Variants in KCNQ5 observed in about 807,000 individuals in gnomAD.
KCNQ5 encodes potassium voltage-gated channel subfamily KQT member 5.
In KCNQ5, 30 loss-of-function variants were observed where a neutral mutation model predicts 98.2. The ratio of observed to expected loss-of-function variants is 0.31; its 90% confidence interval spans 0.23 to 0.41. The LOEUF (loss-of-function observed/expected upper bound fraction) is 0.41. Ranked by LOEUF, KCNQ5 falls within the 10% of genes least tolerant of loss-of-function variation. KCNQ5 has a pLI of 1.00. For missense variants in KCNQ5, 835 were observed against 1,182.5 expected (o/e 0.71, Z 4.31); for synonymous variants, 458 against 449.4 (o/e 1.02, Z -0.24).
At chr6:73,097,820 C>T (rs1199142489) in intron 5 of KCNQ5, among the ~76,000 whole-genome samples, 1 of 152,220 alleles carries the variant, frequency 6.6e-6, no homozygotes, top group Admixed American at 6.5e-5. Flanking sequence ...TGGGGTACCC[C>T]TTAATGCAGA....
chr6:72,928,081 G>C (rs140094293), intron 1 of KCNQ5, among the ~76,000 whole-genome samples: 7 of 152,184 alleles, frequency 4.6e-5, no homozygotes, highest in East Asian at 1.9e-4. Flanking sequence ...AGCAACAAAA[G>C]TGTTGTCTCT....
At position 72,856,854 on chromosome 6, in the gene KCNQ5, C is replaced by T. The variant is rs1424069619; in HGVS notation, c.399-147054C>T. On this transcript the variant is annotated intron_variant, in intron 1 of 13. Transcript: ENST00000370398. ...TCTGGTGATGTAGCTGCACACACCCCAGGTTGTGCTACGGTAGAAGAACCC... is the reference window on the plus strand; with the variant it reads ...TCTGGTGATGTAGCTGCACACACCCTAGGTTGTGCTACGGTAGAAGAACCC... Among the ~76,000 whole-genome samples, 3 of 152,228 alleles carry T rather than the reference C, an allele frequency of 2.0e-5. No homozygotes were observed. In the East Asian group the frequency reaches 5.8e-4, roughly 29 times the overall value.
chr6:72,877,947 T>C (rs1386486406), intron 1 of KCNQ5, among the ~76,000 whole-genome samples: 1 of 152,204 alleles, frequency 6.6e-6, no homozygotes, highest in East Asian at 1.9e-4. Context: ...TACAGTTAAG[T>C]TTCAGTTAAG....
chr6:72,645,215 A>C (rs1765527234), intron 1 of KCNQ5, among the ~76,000 whole-genome samples: 2 of 140,118 alleles, frequency 1.4e-5, no homozygotes, highest in African/African-American at 5.4e-5. Flanking sequence ...AAAAAAAAAC[A>C]AAAAAAAACA....
At chr6:72,854,758 TTG>T (rs34867008) in intron 1 of KCNQ5, among the ~76,000 whole-genome samples, 6,510 of 127,044 alleles carry the variant, frequency 0.051, 211 homozygotes, top group Non-Finnish European at 0.064. Context: ...ACACCATGGT[TTG>T]TGTGTGTGTG....
intron 8 of KCNQ5, among the ~76,000 whole-genome samples, chr6:73,121,631 C>T (rs1717721888): frequency 1.3e-5 from 2 of 152,142 alleles, no homozygotes; most frequent in Admixed American, 1.3e-4. Flanking sequence ...ATTCAGGACA[C>T]CTAACTACTG....
intron 10 of KCNQ5, among the ~76,000 whole-genome samples, chr6:73,157,219 G>A (rs9360644): frequency 0.32 from 48,393 of 152,228 alleles, 8,759 homozygotes; most frequent in Middle Eastern, 0.46. Flanking sequence ...TGGGAGGTCA[G>A]GCCTTGCAGG....
At chr6:73,187,305 C>T (rs938746459) in intron 11 of KCNQ5, among the ~76,000 whole-genome samples, 4 of 152,042 alleles carry the variant, frequency 2.6e-5, no homozygotes, top group East Asian at 1.9e-4. Flanking sequence ...GTGATCCACC[C>T]GCCTCGGCCT....
intron 1 of KCNQ5, among the ~76,000 whole-genome samples, chr6:72,724,472 C>T (rs1456069355): frequency 2.0e-5 from 3 of 152,102 alleles, no homozygotes; most frequent in Admixed American, 6.5e-5. Flanking sequence ...TGGAATAGTC[C>T]GTTCTTTCTG....
intron 10 of KCNQ5, among the ~76,000 whole-genome samples, chr6:73,140,106 T>A (rs1321526662): frequency 6.6e-6 from 1 of 152,322 alleles, no homozygotes; most frequent in South Asian, 2.1e-4. Context: ...TTTAATGCAA[T>A]GGTTTTGACA....
Position 73,009,461 on chromosome 6 carries a change from C to T in KCNQ5, c.489+5463C>T, listed in dbSNP as rs554045172. 4.6e-5 allele frequency among the ~76,000 whole-genome samples: 7 copies of T among 152,102 alleles called. No homozygotes were observed. In the East Asian group the frequency reaches 1.4e-3, roughly 29 times the overall value. ...AAAAAGAAATATCTCAAATCAGCAA[C>T]TTCATTTTACAACTTAAGGAGCTAA... On this transcript the variant is annotated intron_variant, in intron 2 of 13. Coordinates refer to ENST00000370398, the MANE Select transcript of KCNQ5 (RefSeq NM_019842.4).
chr6:72,774,584 C>A (rs1175817942), intron 1 of KCNQ5, among the ~76,000 whole-genome samples: 1 of 151,538 alleles, frequency 6.6e-6, no homozygotes, highest in Non-Finnish European at 1.5e-5. Context: ...ATATATTCAA[C>A]AAAGAATTTA....
intron 2 of KCNQ5, among the ~76,000 whole-genome samples, chr6:73,035,537 A>T (rs1382064959): frequency 2.0e-5 from 3 of 152,198 alleles, no homozygotes; most frequent in Admixed American, 6.5e-5. Context: ...AGGCACCAGA[A>T]CTTGTCTCAT....
intron 1 of KCNQ5, among the ~76,000 whole-genome samples, chr6:72,916,363 T>C (rs1780135969): frequency 6.6e-6 from 1 of 152,210 alleles, no homozygotes; most frequent in Non-Finnish European, 1.5e-5. Flanking sequence ...ATTTAGTTGA[T>C]ATTAGCTCAT....
intron 1 of KCNQ5, among the ~76,000 whole-genome samples, chr6:72,983,015 T>G (rs2150300320): frequency 6.6e-6 from 1 of 152,360 alleles, no homozygotes; most frequent in African/African-American, 2.4e-5. Context: ...CTCTTCTGGC[T>G]TGTTGAGTTT....
chr6:73,177,561 C>T (rs1387277639), intron 11 of KCNQ5, among the ~76,000 whole-genome samples: 1 of 152,194 alleles, frequency 6.6e-6, no homozygotes. Flanking sequence ...CTTCTTGCAT[C>T]TCACTTCATA....
At chr6:73,082,816 T>C (rs570344055) in intron 5 of KCNQ5, among the ~76,000 whole-genome samples, 1 of 152,198 alleles carries the variant, frequency 6.6e-6, no homozygotes, top group African/African-American at 2.4e-5. Context: ...AAATGCTCTT[T>C]AGTATCCACA....
chr6:72,762,053 A>G (rs1157882284), intron 1 of KCNQ5, among the ~76,000 whole-genome samples: 1 of 152,046 alleles, frequency 6.6e-6, no homozygotes, highest in Non-Finnish European at 1.5e-5. Context: ...TTAGGGGTAT[A>G]TCCAGGAGAC....
chr6:72,901,558 C>G (rs1779506786), intron 1 of KCNQ5, among the ~76,000 whole-genome samples: 1 of 152,168 alleles, frequency 6.6e-6, no homozygotes, highest in Non-Finnish European at 1.5e-5. Flanking sequence ...TTTCATTCTC[C>G]TAAATGTGGC....
Sources: allele counts gnomAD v4.1 joint callset (sites outside exome capture counted in the v4.1 genomes callset), GRCh38; gene constraint gnomAD v4.1.1; transcripts MANE v1.5; gene names NCBI Gene and HGNC (gene_info 2026-07-23, HGNC 2026-07-21).